The following VIL1 variants were observed in gnomAD, a reference collection of about 807,000 sequenced individuals.
VIL1 encodes villin 1.
In VIL1, 86 loss-of-function variants were observed where a neutral mutation model predicts 104.0. The observed-to-expected ratio is 0.83, with a 90% confidence interval of 0.69 to 0.99. The LOEUF (loss-of-function observed/expected upper bound fraction) is 0.99, where lower values mean the gene tolerates loss of function less well. Among genes scored for constraint, VIL1 ranks in the 50% least tolerant of loss-of-function variants. The probability of loss-of-function intolerance (pLI) is 0.00; values close to 1 mark genes in which losing one functional copy is unlikely to be tolerated. For missense variants in VIL1, 944 were observed against 1,054.1 expected (o/e 0.90, Z 1.45); for synonymous variants, 394 against 412.6 (o/e 0.95, Z 0.55).
chr2:218,423,381 C>T (rs186957401), intron 1 of VIL1, among the ~76,000 whole-genome samples: 137 of 152,018 alleles, frequency 9.0e-4, no homozygotes, highest in African/African-American at 2.6e-3. Context: ...TGCGACAGAG[C>T]GGGACTCCAT....
rs568381245 is a variant in VIL1, at chr2:218,424,193, C to T, written c.76-84C>T. On this transcript the variant is annotated intron_variant, in intron 2 of 19. Coordinates refer to ENST00000248444, the MANE Select transcript of VIL1 (RefSeq NM_007127.3). ...CCTGGGCCCGGCTCTTTGTCTCCGACGCCTCCTCCCCTTGGGCCCTCCTCC... is the reference window on the plus strand; with the variant it reads ...CCTGGGCCCGGCTCTTTGTCTCCGATGCCTCCTCCCCTTGGGCCCTCCTCC... 2.4e-3 allele frequency: 2,881 copies of T among 1,225,642 alleles called. 11 individuals are homozygous for T. Among genetic ancestry groups the T allele is most frequent in the Non-Finnish European group, 2.6e-3 (2,174 of 846,076 alleles). The allele number at this position is 1,225,642 out of a possible 1,614,324, so 75.9% of individuals were successfully genotyped here. A position where few individuals can be genotyped will look rare whatever the true frequency, so the allele number is the denominator to read the frequency against.
At chr2:218,426,663 G>A (rs191735441) in intron 4 of VIL1, among the ~76,000 whole-genome samples, 7 of 150,596 alleles carry the variant, frequency 4.6e-5, no homozygotes, top group East Asian at 2.0e-4. Context: ...GTGCAGTGGC[G>A]CGATCTCAAC....
rs1242375760 is a variant in VIL1 at position 218,429,432 on chromosome 2, G to A, written c.715G>A (p.Ala239Thr). The stretch of plus-strand genomic sequence containing the variant: ...GGGCAAGCGCAGGGAGCTGAAGGCG[G>A]CCGTGCCCGACACGGTGGTGGAGCC... ...VLGKRRELKA[A>T]VPDTVVEPAL... Residue 239 changes from alanine (A) to threonine (T), a missense_variant, in exon 7 of 20, where the codon GCC becomes ACC. Coordinates refer to ENST00000248444, the MANE Select transcript of VIL1 (RefSeq NM_007127.3). The A allele has an allele frequency of 6.2e-7, 1 of 1,614,046 alleles. No homozygotes were observed. Among genetic ancestry groups the A allele is most frequent in the South Asian group, 1.1e-5 (1 of 91,088 alleles).
intron 18 of VIL1, 114 bp from the exon 19 acceptor site, chr2:218,440,608 T>G (rs1574819388): frequency 6.3e-6 from 8 of 1,264,032 alleles, no homozygotes; most frequent in Admixed American, 5.9e-5. Context: ...CAGGGTGGGG[T>G]GGGACATGGG....
intron 18 of VIL1, among the ~76,000 whole-genome samples, chr2:218,439,803 T>A (rs1574819051): frequency 8.9e-6 from 1 of 112,658 alleles, no homozygotes. Context: ...GGCAACAGAG[T>A]CAGACCCTGT....
chr2:218,421,937 T>C (rs561166028), intron 1 of VIL1, among the ~76,000 whole-genome samples: 1 of 152,246 alleles, frequency 6.6e-6, no homozygotes, highest in Non-Finnish European at 1.5e-5. Flanking sequence ...TCTACGTTCA[T>C]ACAGCTAGTG....
chr2:218,424,062 T>C (rs1010128729), intron 2 of VIL1, among the ~76,000 whole-genome samples: 1 of 152,068 alleles, frequency 6.6e-6, no homozygotes, highest in Non-Finnish European at 1.5e-5. Flanking sequence ...TCAACCTTCC[T>C]CTCCACTTCC....
rs1290569932 is a variant in VIL1, at chr2:218,451,214, TG to T, written c.*1882del. 2.0e-5 allele frequency: 3 copies of T among 152,106 alleles called. No homozygotes were observed. The highest frequency in any genetic ancestry group is 2.0e-4 in the Admixed American group (3 of 15,256). 9.4% of individuals were successfully genotyped at this position (152,106 alleles called of 1,614,324 possible). A position where few individuals can be genotyped will look rare whatever the true frequency, so the allele number is the denominator to read the frequency against. ...GTGCATTACTCAGTATAAAGCAAAA[TG>T]GGGAGGAAAAAGACATCCATCCATT... On this transcript the variant is annotated 3_prime_UTR_variant, in exon 20 of 20. Transcript: ENST00000248444.
At chr2:218,419,557 G>T (rs905492396) in intron 1 of VIL1, among the ~76,000 whole-genome samples, 1 of 152,146 alleles carries the variant, frequency 6.6e-6, no homozygotes, top group African/African-American at 2.4e-5. Context: ...CTCTTTGCCC[G>T]TGCGTTCTTC....
chr2:218,436,541 G>A lies in VIL1; in HGVS notation c.1886G>A (p.Gly629Glu). ...CTCTTTGAGTGTTCCAACAAGACTG[G>A]GCGCTTCCTGGCCACAGAGATCCCT... ...PRLFECSNKTGRFLATEIPDF... is the reference protein window; with the variant it reads ...PRLFECSNKTERFLATEIPDF... Residue 629 changes from glycine (G) to glutamate (E), a missense_variant, in exon 16 of 20, where the codon GGG (glycine) becomes GAG (glutamate). By Grantham distance (98) the Gly-to-Glu change is moderately conservative. Transcript: ENST00000248444. 1 of 1,613,968 alleles carries A rather than the reference G, an allele frequency of 6.2e-7. No homozygotes were observed.
intron 19 of VIL1, among the ~76,000 whole-genome samples, chr2:218,441,328 G>C (rs912637797): frequency 1.3e-5 from 2 of 151,880 alleles, no homozygotes; most frequent in South Asian, 4.1e-4. Context: ...GGTGGAGGTT[G>C]CAGTGAGTCA....
intron 3 of VIL1, 126 bp from the exon 4 acceptor site, chr2:218,425,489 C>A: frequency 1.1e-6 from 1 of 885,552 alleles, no homozygotes; most frequent in Non-Finnish European, 1.8e-6. Flanking sequence ...TAACCGCCAG[C>A]CTAGTGCACT....
intron 19 of VIL1, among the ~76,000 whole-genome samples, chr2:218,446,257 CAG>C (rs1434727027): frequency 9.9e-5 from 15 of 152,194 alleles, no homozygotes; most frequent in African/African-American, 3.1e-4. Context: ...TTTTTTGAGA[CAG>C]AGTCTCACTC....
intron 19 of VIL1, among the ~76,000 whole-genome samples, chr2:218,444,421 A>C (rs551351144): frequency 4.0e-4 from 61 of 152,108 alleles, no homozygotes; most frequent in Non-Finnish European, 7.4e-4. Flanking sequence ...CTGGGACTAC[A>C]GGCGCCCGCC....
chr2:218,438,457 T>C (rs1227195353), intron 17 of VIL1, among the ~76,000 whole-genome samples: 1 of 152,224 alleles, frequency 6.6e-6, no homozygotes, highest in Non-Finnish European at 1.5e-5. Flanking sequence ...ACTTTTCTGA[T>C]CTGGCAGCCC....
At chr2:218,439,119 C>T (rs1036999599) in intron 18 of VIL1, among the ~76,000 whole-genome samples, 1 of 151,422 alleles carries the variant, frequency 6.6e-6, no homozygotes, top group Non-Finnish European at 1.5e-5. Context: ...TTAGTAGAGA[C>T]GAGGTTTCAC....
At position 218,451,825 on chromosome 2, in the gene VIL1, T is replaced by C. The variant is rs1037353415; in HGVS notation, c.*2489T>C. ...TATTTACATTTGTTGTATTTGTTAT[T>C]GAGCCTTTAAGGTTAGGCCCAGAAT... On this transcript the variant is annotated 3_prime_UTR_variant, in exon 20 of 20. Transcript: ENST00000248444. 4 of 152,662 alleles carry C rather than the reference T, an allele frequency of 2.6e-5. No homozygotes were observed. The highest frequency in any genetic ancestry group is 9.6e-5 in the African/African-American group (4 of 41,468). The allele number at this position is 152,662 out of a possible 1,614,324, so 9.5% of individuals were successfully genotyped here. A position where few individuals can be genotyped will look rare whatever the true frequency, so the allele number is the denominator to read the frequency against.
At chr2:218,448,499 T>C (rs766090331) in intron 19 of VIL1, among the ~76,000 whole-genome samples, 1 of 150,482 alleles carries the variant, frequency 6.6e-6, no homozygotes, top group Admixed American at 6.6e-5. Flanking sequence ...GAGGTGGAGG[T>C]TGCAGTGAGC....
At chr2:218,439,385 T>C (rs993989293) in intron 18 of VIL1, among the ~76,000 whole-genome samples, 3 of 152,192 alleles carry the variant, frequency 2.0e-5, no homozygotes, top group African/African-American at 7.2e-5. Context: ...TTTTAAATCT[T>C]ATTTTAAAAA....
Sources: allele counts gnomAD v4.1 joint callset (sites outside exome capture counted in the v4.1 genomes callset), GRCh38; gene constraint gnomAD v4.1.1; transcripts MANE v1.5; gene names NCBI Gene and HGNC (gene_info 2026-07-23, HGNC 2026-07-21).